Variants in RALGPS2 observed in about 807,000 individuals in gnomAD.
RALGPS2 encodes Ral GEF with PH domain and SH3 binding motif 2.
In RALGPS2, 43 loss-of-function variants were observed where a neutral mutation model predicts 86.8. The ratio of observed to expected loss-of-function variants is 0.50; its 90% CI spans 0.39 to 0.64. RALGPS2 has a LOEUF of 0.64. RALGPS2 is among the 30% of genes least tolerant of loss of function. The pLI is 0.00. For synonymous variants in RALGPS2, 243 were observed against 231.3 expected, an observed-to-expected ratio of 1.05 and a Z score of -0.46; for missense variants, 536 against 694.6, an observed-to-expected ratio of 0.77 and a Z score of 2.57.
chr1:178,748,349 A>G (rs887723182), intron 1 of RALGPS2, among the ~76,000 whole-genome samples: 2 of 151,764 alleles, frequency 1.3e-5, no homozygotes, highest in African/African-American at 4.8e-5. Flanking sequence ...GTTAACGTAC[A>G]CCTACCAGCA....
chr1:178,788,648 G>GGAAT (rs1653785417), intron 4 of RALGPS2, among the ~76,000 whole-genome samples: 2 of 152,150 alleles, frequency 1.3e-5, no homozygotes, highest in South Asian at 4.1e-4. Context: ...AGCAAGGGAG[G>GGAAT]GAATGTACTA....
intron 6 of RALGPS2, among the ~76,000 whole-genome samples, chr1:178,816,708 ATTTT>A (rs1238092158): frequency 7.4e-6 from 1 of 134,346 alleles, no homozygotes; most frequent in Non-Finnish European, 1.6e-5. Context: ...GTTTGAAGTG[ATTTT>A]TTTTTTTTTT....
At chr1:178,737,207 A>T (rs1337128116) in intron 1 of RALGPS2, among the ~76,000 whole-genome samples, 3 of 152,196 alleles carry the variant, frequency 2.0e-5, no homozygotes, top group Non-Finnish European at 4.4e-5. Flanking sequence ...AAGAAAATGC[A>T]CATCTAAGAA....
chr1:178,796,331 T>C (rs1654188504), intron 4 of RALGPS2, among the ~76,000 whole-genome samples: 1 of 152,156 alleles, frequency 6.6e-6, no homozygotes, highest in South Asian at 2.1e-4. Flanking sequence ...GTTTATATTG[T>C]GGGTTAAGAT....
intron 16 of RALGPS2, among the ~76,000 whole-genome samples, chr1:178,894,901 A>AT (rs1659873902): frequency 6.6e-6 from 1 of 152,070 alleles, no homozygotes; most frequent in Non-Finnish European, 1.5e-5. Flanking sequence ...ATGAAGAAGT[A>AT]TTTTAGTATT....
chr1:178,869,071 T>A (rs1229250396), intron 8 of RALGPS2: 1 of 152,090 alleles, frequency 6.6e-6, no homozygotes, highest in Non-Finnish European at 1.5e-5. Flanking sequence ...AAAATTTTCC[T>A]AGGCCCCAAG....
intron 1 of RALGPS2, among the ~76,000 whole-genome samples, chr1:178,741,124 G>A (rs1444371192): frequency 6.6e-6 from 1 of 152,210 alleles, no homozygotes; most frequent in Non-Finnish European, 1.5e-5. Context: ...GAGTAACCTT[G>A]TGTGGGAGCT....
At chr1:178,770,231 C>A (rs983617761) in intron 1 of RALGPS2, among the ~76,000 whole-genome samples, 6 of 151,932 alleles carry the variant, frequency 3.9e-5, no homozygotes, top group Non-Finnish European at 7.4e-5. Context: ...GTCACCCAGG[C>A]TGGTCTTGAA....
intron 17 of RALGPS2, among the ~76,000 whole-genome samples, chr1:178,898,744 C>T (rs950494070): frequency 6.6e-6 from 1 of 151,838 alleles, no homozygotes; most frequent in Non-Finnish European, 1.5e-5. Flanking sequence ...TTTTTGCTCA[C>T]TATTATTATA....
chr1:178,868,262 C>T (rs890178842), intron 8 of RALGPS2, among the ~76,000 whole-genome samples: 8 of 151,678 alleles, frequency 5.3e-5, no homozygotes, highest in African/African-American at 9.7e-5. Flanking sequence ...TCTCCAGATT[C>T]GTGGAATTTA....
At chr1:178,916,179 A>G (rs1250678370) in intron 19 of RALGPS2, 151 bp from the exon 20 acceptor site, 1 of 612,648 alleles carries the variant, frequency 1.6e-6, no homozygotes, top group Non-Finnish European at 2.8e-6. Context: ...CATGTTAATT[A>G]TTCATAAACT....
At chr1:178,910,335 G>T (rs1660573141) in intron 19 of RALGPS2, among the ~76,000 whole-genome samples, 1 of 152,154 alleles carries the variant, frequency 6.6e-6, no homozygotes, top group Non-Finnish European at 1.5e-5. Flanking sequence ...TCCTTGTCCT[G>T]TTCCAGTTCT....
chr1:178,729,283 T>C (rs2101997950), intron 1 of RALGPS2, among the ~76,000 whole-genome samples: 1 of 152,332 alleles, frequency 6.6e-6, no homozygotes, highest in East Asian at 1.9e-4. Flanking sequence ...TTATTTATTT[T>C]TACATCATTG....
chr1:178,878,876 A>G (rs757098326), intron 9 of RALGPS2, 26 bp from the exon 10 acceptor site: 11 of 1,608,220 alleles, frequency 6.8e-6, no homozygotes, highest in South Asian at 1.1e-5. Context: ...ACTTTATCAG[A>G]TAATTATTTA....
intron 6 of RALGPS2, among the ~76,000 whole-genome samples, chr1:178,819,226 C>T (rs1347639133): frequency 1.3e-5 from 2 of 152,098 alleles, no homozygotes; most frequent in Non-Finnish European, 2.9e-5. Context: ...CTCCTGGGCT[C>T]AAGCAGTTCA....
At chr1:178,795,420 G>C (rs1274551660) in intron 4 of RALGPS2, among the ~76,000 whole-genome samples, 2 of 151,954 alleles carry the variant, frequency 1.3e-5, no homozygotes, top group Admixed American at 1.3e-4. Context: ...TTGTTTGTTT[G>C]TTTGTTTTTT....
chr1:178,804,362 G>A (rs1299444974), intron 4 of RALGPS2, among the ~76,000 whole-genome samples: 5 of 141,902 alleles, frequency 3.5e-5, no homozygotes, highest in African/African-American at 5.2e-5. Context: ...GTGCCATGCT[G>A]GTGTGCTGCA....
At chr1:178,763,990 G>T (rs1426442441) in intron 1 of RALGPS2, among the ~76,000 whole-genome samples, 2 of 152,004 alleles carry the variant, frequency 1.3e-5, no homozygotes, top group African/African-American at 4.8e-5. Flanking sequence ...GGAGTGTTCT[G>T]TAAATGTCTG....
Position 178,861,569 on chromosome 1 carries a change from T to G in RALGPS2, c.608-15929T>G, listed in dbSNP as rs149592006. 3.8e-3 allele frequency among the ~76,000 whole-genome samples: 571 copies of G among 152,258 alleles called. 4 individuals are homozygous for G. The highest frequency in any genetic ancestry group is 0.011 in the African/African-American group (453 of 41,552). On this transcript the variant is annotated intron_variant, in intron 8 of 19. Transcript: ENST00000367635. ...GTTTAAAAATGTGAATAGTGATTTC[T>G]GCTAGAATTGGTTATACCATCCACT...
Sources: allele counts gnomAD v4.1 joint callset (sites outside exome capture counted in the v4.1 genomes callset), GRCh38; gene constraint gnomAD v4.1.1; transcripts MANE v1.5; gene names NCBI Gene and HGNC (gene_info 2026-07-23, HGNC 2026-07-21).